The following PTPRA variants were observed in gnomAD, a reference collection of about 807,000 sequenced individuals.
PTPRA encodes protein tyrosine phosphatase receptor type A, also known as receptor-type tyrosine-protein phosphatase alpha.
In PTPRA, 25 loss-of-function variants were observed where a neutral mutation model predicts 104.8. The observed-to-expected ratio is 0.24, with a 90% CI of 0.17 to 0.33. The LOEUF is 0.33. Among genes scored for constraint, PTPRA ranks in the 10% least tolerant of loss-of-function variants. The probability of loss-of-function intolerance (pLI) is 1.00; values close to 1 mark genes in which losing one functional copy is unlikely to be tolerated. For missense variants in PTPRA, 765 were observed against 1,015.3 expected (o/e 0.75, Z 3.35); for synonymous variants, 323 against 368.9 (o/e 0.88, Z 1.43).
chr20:2,915,405 T>C (rs1038403254), intron 1 of PTPRA, among the ~76,000 whole-genome samples: 1 of 152,218 alleles, frequency 6.6e-6, no homozygotes, highest in Non-Finnish European at 1.5e-5. Flanking sequence ...CATTAGTATA[T>C]ATTCTTTGGA....
At chr20:2,918,087 C>CAAA (rs149539458) in intron 1 of PTPRA, among the ~76,000 whole-genome samples, 4 of 94,294 alleles carry the variant, frequency 4.2e-5, no homozygotes, top group Non-Finnish European at 6.3e-5. Context: ...GACTCTGTCT[C>CAAA]AAAAAAAAAA....
chr20:3,021,204 T>A, intron 13 of PTPRA, 105 bp from the exon 14 acceptor site: 1 of 1,500,300 alleles, frequency 6.7e-7, no homozygotes, highest in African/African-American at 1.4e-5. Context: ...AAGGGCCTTC[T>A]GGGGGACTTT....
At chr20:2,870,364 C>T (rs192201657), upstream of PTPRA, among the ~76,000 whole-genome samples, 77 of 151,964 alleles carry the variant, frequency 5.1e-4, no homozygotes, top group African/African-American at 9.9e-4. Flanking sequence ...GCAAAAACTC[C>T]GTCTCAAAAA....
the PTPRA span, chr20:2,866,656 C>T: frequency 7.0e-6 from 11 of 1,578,150 alleles, no homozygotes; most frequent in Non-Finnish European, 8.6e-6. Context: ...TCATCCAGCT[C>T]CTCCCCTAGA....
At chr20:2,995,457 C>G (rs1396268812) in intron 9 of PTPRA, among the ~76,000 whole-genome samples, 1 of 152,152 alleles carries the variant, frequency 6.6e-6, no homozygotes, top group East Asian at 1.9e-4. Context: ...ATTTTACCCT[C>G]AGGTCATGTT....
At chr20:2,890,193 G>C (rs6084190) in intron 1 of PTPRA, among the ~76,000 whole-genome samples, 2,072 of 151,694 alleles carry the variant, frequency 0.014, 28 homozygotes, top group Non-Finnish European at 0.02. Flanking sequence ...CACCATGCCT[G>C]GCCTTTTCTT....
intron 1 of PTPRA, among the ~76,000 whole-genome samples, chr20:2,909,255 C>G (rs2059536084): frequency 1.3e-5 from 2 of 152,116 alleles, no homozygotes; most frequent in Admixed American, 1.3e-4. Context: ...CACCACTGCA[C>G]TCTAGCCTGA....
chr20:2,920,500 A>G (rs2060060772), intron 1 of PTPRA, among the ~76,000 whole-genome samples: 1 of 152,162 alleles, frequency 6.6e-6, no homozygotes. Flanking sequence ...TCCCCCAGCA[A>G]CTCTAATGTG....
intron 3 of PTPRA, among the ~76,000 whole-genome samples, chr20:2,960,754 C>T (rs1047179048): frequency 4.6e-5 from 7 of 151,850 alleles, no homozygotes; most frequent in African/African-American, 1.7e-4. Context: ...CCAGGCTGGT[C>T]TTGAACTCCT....
At chr20:2,929,356 T>G (rs1364677064) in intron 2 of PTPRA, among the ~76,000 whole-genome samples, 1 of 152,218 alleles carries the variant, frequency 6.6e-6, no homozygotes, top group Admixed American at 6.5e-5. Context: ...AATACTCTTT[T>G]GTTCTTTGTA....
intron 9 of PTPRA, among the ~76,000 whole-genome samples, chr20:3,000,742 G>A (rs12480069): frequency 0.37 from 56,624 of 151,938 alleles, 11,308 homozygotes; most frequent in East Asian, 0.68. Flanking sequence ...ACGTAATGTT[G>A]AGCCAAAGAA....
At chr20:2,957,024 G>A (rs1323894461) in intron 3 of PTPRA, among the ~76,000 whole-genome samples, 1 of 152,174 alleles carries the variant, frequency 6.6e-6, no homozygotes, top group African/African-American at 2.4e-5. Flanking sequence ...AGTGGCTCAC[G>A]CCTGTAATCC....
At chr20:2,995,099 C>T (rs2063346458) in intron 9 of PTPRA, among the ~76,000 whole-genome samples, 1 of 152,204 alleles carries the variant, frequency 6.6e-6, no homozygotes, top group Non-Finnish European at 1.5e-5. Context: ...CACTGCTCTC[C>T]AGCCTGGGGG....
chr20:2,967,650 C>G (rs1457871999), intron 5 of PTPRA, among the ~76,000 whole-genome samples: 2 of 152,140 alleles, frequency 1.3e-5, no homozygotes, highest in African/African-American at 4.8e-5. Flanking sequence ...CACTTGAGCT[C>G]AAGAGTTTGA....
chr20:2,924,271 T>G (rs1247577555), intron 2 of PTPRA, among the ~76,000 whole-genome samples: 1 of 151,840 alleles, frequency 6.6e-6, no homozygotes, highest in Admixed American at 6.6e-5. Context: ...GTGTGGTGGC[T>G]CACGCCTGTA....
intron 9 of PTPRA, among the ~76,000 whole-genome samples, chr20:3,000,290 A>G: frequency 6.6e-6 from 1 of 152,190 alleles, no homozygotes; most frequent in East Asian, 1.9e-4. Context: ...TCCATTTTGA[A>G]AAAAATAATC....
intron 1 of PTPRA, among the ~76,000 whole-genome samples, chr20:2,896,345 A>C (rs899863017): frequency 1.3e-5 from 2 of 152,172 alleles, no homozygotes; most frequent in African/African-American, 2.4e-5. Flanking sequence ...TGCCACTGCA[A>C]TCCAGCCTGT....
the PTPRA span, chr20:2,864,610 G>T: frequency 1.2e-6 from 2 of 1,614,144 alleles, no homozygotes; most frequent in Non-Finnish European, 8.5e-7. The surrounding 1 kb of genome is among the most constrained non-coding windows in gnomAD (Gnocchi z 5.2). Flanking sequence ...CAATCACCAG[G>T]AATTGGGCAG....
rs1457805112 is a variant in PTPRA, at chr20:2,909,988, CA to C, written c.-128-13218del. Among the ~76,000 whole-genome samples, 7 of 96,460 alleles carry C rather than the reference CA, an allele frequency of 7.3e-5. No homozygotes were observed. In the South Asian group the frequency reaches 2.3e-3, roughly 32 times the overall value. 63.3% of individuals were successfully genotyped at this position (96,460 alleles called of 152,430 possible). A position where few individuals can be genotyped will look rare whatever the true frequency, so the allele number is the denominator to read the frequency against. On this transcript the variant is annotated intron_variant, in intron 1 of 23. Coordinates refer to ENST00000399903, the MANE Select transcript of PTPRA (RefSeq NM_001385305.1). ...GATATATATATAATCTATCATATAT[CA>C]TATATATAATCTATCATATATCATA...
Sources: gnomAD v4.1 joint callset for allele counts (sites outside exome capture counted in the v4.1 genomes callset) on GRCh38, gnomAD v4.1.1 for gene constraint, Gnocchi (gnomAD v3.1) non-coding constraint, MANE v1.5 for transcripts, NCBI Gene and HGNC (gene_info 2026-07-23, HGNC 2026-07-21) for gene names.